The following TREM1 variants were observed in gnomAD, a reference collection of about 807,000 sequenced individuals.
TREM1 encodes triggering receptor expressed on myeloid cells 1.
A neutral mutation model predicts 22.4 loss-of-function variants in TREM1; 16 were observed. That is an observed-to-expected ratio of 0.71 (90% CI 0.48 to 1.08). The LOEUF is 1.08. TREM1 is among the 50% of genes least tolerant of loss of function. The pLI is 0.00. For missense variants in TREM1, 283 were observed against 282.9 expected (o/e 1.00, Z 0.00); for synonymous variants, 110 against 111.6 (o/e 0.99, Z 0.09).
intron 3 of TREM1, among the ~76,000 whole-genome samples, chr6:41,268,242 A>T (rs1055409420): frequency 6.6e-6 from 1 of 152,230 alleles, no homozygotes; most frequent in South Asian, 2.1e-4. Flanking sequence ...CTCTGGCTAG[A>T]TTAGCCTCAA....
Position 41,281,068 on chromosome 6 carries a change from TG to T in TREM1, c.491del (p.Pro164HisfsTer9), listed in dbSNP as rs772355865. On this transcript the variant is annotated frameshift_variant, in exon 3 of 4. Transcript: ENST00000244709. LOFTEE classifies it high-confidence loss of function. Reference sequence around the variant, plus strand: ...TCACAGTTCTGGGGCTGGTATAGAGTGGGCACAAGGCCTTAGTGGTGGTAGG... The same window carrying T: ...TCACAGTTCTGGGGCTGGTATAGAGTGGCACAAGGCCTTAGTGGTGGTAGG... ...IPPTTTKALC[P>X]LYTSPRTVTQ... The T allele has an allele frequency of 1.2e-5, 19 of 1,614,006 alleles. No individual in the cohort carries two copies. In the South Asian group the frequency reaches 2.0e-4, roughly 17 times the overall value.
intron 3 of TREM1, among the ~76,000 whole-genome samples, chr6:41,278,692 T>G (rs1286707583): frequency 6.6e-6 from 1 of 152,080 alleles, no homozygotes; most frequent in Non-Finnish European, 1.5e-5. Flanking sequence ...AAAAAGCTTC[T>G]TCTTTTCAAA....
chr6:41,271,936 G>A (rs1206948757), downstream of TREM1, among the ~76,000 whole-genome samples: 2 of 152,004 alleles, frequency 1.3e-5, no homozygotes, highest in African/African-American at 4.8e-5. Flanking sequence ...GCAGCAGCAG[G>A]AGCAGCAGCA....
At chr6:41,280,775 G>C in intron 3 of TREM1, 186 bp downstream of exon 3, 1 of 1,455,300 alleles carries the variant, frequency 6.9e-7, no homozygotes, top group Non-Finnish European at 9.0e-7. Flanking sequence ...GCCTGGCTGA[G>C]AGCCTCCCCT....
At chr6:41,283,459 C>G (rs1768018117) in intron 1 of TREM1, among the ~76,000 whole-genome samples, 1 of 152,060 alleles carries the variant, frequency 6.6e-6, no homozygotes, top group Non-Finnish European at 1.5e-5. Context: ...GCATGTAATC[C>G]CACACTTTGG....
downstream of TREM1, chr6:41,267,836 T>G: frequency 2.5e-6 from 1 of 397,272 alleles, no homozygotes; most frequent in Non-Finnish European, 4.4e-6. Context: ...TTTGGTTACA[T>G]GAAGATCTTT....
At chr6:41,267,909 T>G, downstream of TREM1, 1 of 398,618 alleles carries the variant, frequency 2.5e-6, no homozygotes, top group South Asian at 1.3e-4. Flanking sequence ...GCATTTTTGT[T>G]TGCTTACAGT....
intron 3 of TREM1, chr6:41,279,789 A>T: frequency 6.1e-6 from 6 of 985,494 alleles, no homozygotes; most frequent in Non-Finnish European, 7.2e-6. Flanking sequence ...TTAATGGATC[A>T]CACTGCAAAT....
At chr6:41,284,256 G>C (rs1167256837) in intron 1 of TREM1, among the ~76,000 whole-genome samples, 2 of 152,154 alleles carry the variant, frequency 1.3e-5, no homozygotes, top group African/African-American at 4.8e-5. Context: ...ACATCTAATG[G>C]ATACCAGGCT....
intron 1 of TREM1, among the ~76,000 whole-genome samples, chr6:41,282,960 G>GTGAC (rs10651258): frequency 0.018 from 2,758 of 151,796 alleles, 62 homozygotes; most frequent in African/African-American, 0.048. Flanking sequence ...TACTATAAGA[G>GTGAC]ACTGCATATG....
chr6:41,280,397 A>G (rs1335808184), intron 3 of TREM1: 1 of 989,748 alleles, frequency 1.0e-6, no homozygotes, highest in Non-Finnish European at 1.2e-6. Context: ...CTATTTATCT[A>G]TAATTGGGCA....
At position 41,283,714 on chromosome 6, in the gene TREM1, A is replaced by AC. The variant is rs201910680; in HGVS notation, c.50-964_50-963insG. 5.6e-3 allele frequency among the ~76,000 whole-genome samples: 806 copies of AC among 143,662 alleles called. 3 individuals carry two copies. The highest frequency in any genetic ancestry group is 0.018 in the African/African-American group (669 of 36,814). 94.2% of individuals were successfully genotyped at this position (143,662 alleles called of 152,430 possible). A position where few individuals can be genotyped will look rare whatever the true frequency, so the allele number is the denominator to read the frequency against. Reference sequence around the variant, plus strand: ...GCCACAGGGCAAGACTCTGTTAAAAAAAAAAACACACACACACACACACAC... The same window carrying AC: ...GCCACAGGGCAAGACTCTGTTAAAAACAAAAAACACACACACACACACACAC... On this transcript the variant is annotated intron_variant, in intron 1 of 3. Coordinates refer to ENST00000244709, the MANE Select transcript of TREM1 (RefSeq NM_018643.5).
At chr6:41,279,781 A>G (rs1767832113) in intron 3 of TREM1, 1 of 985,352 alleles carries the variant, frequency 1.0e-6, no homozygotes, top group Non-Finnish European at 1.2e-6. Flanking sequence ...ATTTATGCTT[A>G]ATGGATCACA....
At chr6:41,267,869 C>T, downstream of TREM1, 1 of 398,180 alleles carries the variant, frequency 2.5e-6, no homozygotes, top group Non-Finnish European at 4.4e-6. Flanking sequence ...AAGACAAAAG[C>T]TAAAGCTAAA....
At chr6:41,281,306 G>A in intron 2 of TREM1, 153 bp from the exon 3 acceptor site, 1 of 873,070 alleles carries the variant, frequency 1.1e-6, no homozygotes, top group Non-Finnish European at 1.7e-6. Context: ...AGGGAAATGA[G>A]CATGGCCCAA....
chr6:41,268,105 G>C (rs1454762486), intron 3 of TREM1: 1 of 398,458 alleles, frequency 2.5e-6, no homozygotes, highest in East Asian at 3.6e-5. Flanking sequence ...ATTCAAGCGG[G>C]GGAAATGATT....
chr6:41,280,441 A>G, intron 3 of TREM1: 1 of 995,310 alleles, frequency 1.0e-6, no homozygotes, highest in Non-Finnish European at 1.2e-6. Flanking sequence ...ACAATAAGGC[A>G]AAAACCAATA....
chr6:41,278,187 A>C (rs1261350946), intron 3 of TREM1, among the ~76,000 whole-genome samples: 2 of 151,586 alleles, frequency 1.3e-5, no homozygotes, highest in Non-Finnish European at 2.9e-5. Flanking sequence ...CAGCCTGCCA[A>C]AGTGCTGGGA....
In TREM1 at chr6:41,268,071, AATGTC is replaced by A; in HGVS notation, c.612_616del (p.Met204IlefsTer40). The A allele has an allele frequency of 2.5e-6, 1 of 398,622 alleles. No individual in the cohort carries two copies. Among genetic ancestry groups the A allele is most frequent in the Admixed American group, 4.4e-5 (1 of 22,736 alleles). 24.7% of individuals were successfully genotyped at this position (398,622 alleles called of 1,614,324 possible). A position where few individuals can be genotyped will look rare whatever the true frequency, so the allele number is the denominator to read the frequency against. On this transcript the variant is annotated frameshift_variant, in exon 4 of 4. Transcript: ENST00000589614. LOFTEE classifies it high-confidence loss of function. Reference sequence around the variant, plus strand: ...TTCCACATCCAGCCTTCTGATGCCAAATGTCATGCTCTTTTCCCTGCAAATTCAAG... The same window carrying A: ...TTCCACATCCAGCCTTCTGATGCCAAATGCTCTTTTCCCTGCAAATTCAAG...
Sources: gnomAD v4.1 joint callset for allele counts (sites outside exome capture counted in the v4.1 genomes callset) on GRCh38, gnomAD v4.1.1 for gene constraint, MANE v1.5 for transcripts, NCBI Gene and HGNC (gene_info 2026-07-23, HGNC 2026-07-21) for gene names.